GORASP2: variants seen among roughly 807,000 people sequenced by gnomAD.
The protein encoded by GORASP2 is Golgi reassembly-stacking protein 2.
In GORASP2, 22 loss-of-function variants were observed where a neutral mutation model predicts 45.7. The observed-to-expected ratio is 0.48, with a 90% CI of 0.34 to 0.69. The LOEUF (loss-of-function observed/expected upper bound fraction) is 0.69, where lower values mean the gene tolerates loss of function less well. Among genes scored for constraint, GORASP2 ranks in the 30% least tolerant of loss-of-function variants. The pLI is 0.01. For missense variants in GORASP2, 491 were observed against 562.7 expected (o/e 0.87, Z 1.29); for synonymous variants, 221 against 215.6 (o/e 1.02, Z -0.22).
intron 1 of GORASP2, 95 bp downstream of exon 1, chr2:170,929,498 C>T: frequency 9.8e-7 from 1 of 1,016,814 alleles, no homozygotes; most frequent in Non-Finnish European, 1.3e-6. Flanking sequence ...ACGGGGCAGC[C>T]AGGCCCGATC....
chr2:170,949,374 T>G (rs891733598), intron 2 of GORASP2, 165 bp from the exon 3 acceptor site: 6 of 166,058 alleles, frequency 3.6e-5, no homozygotes, highest in Non-Finnish European at 7.4e-5. Flanking sequence ...GAGTTCTTAA[T>G]TTCTTGACAT....
chr2:170,959,293 G>T (rs772320955), intron 7 of GORASP2, among the ~76,000 whole-genome samples: 1 of 152,186 alleles, frequency 6.6e-6, no homozygotes, highest in Non-Finnish European at 1.5e-5. Flanking sequence ...GGCGATAGTT[G>T]ACATGTCTCT....
Position 170,929,364 on chromosome 2 carries a change from G to A in GORASP2, c.24G>A (p.Glu8=). 3 of 1,407,716 alleles carry A rather than the reference G, an allele frequency of 2.1e-6. No homozygotes were observed. Among genetic ancestry groups the A allele is most frequent in the Non-Finnish European group, 2.8e-6 (3 of 1,079,250 alleles). 87.2% of individuals were successfully genotyped at this position (1,407,716 alleles called of 1,614,324 possible). A position where few individuals can be genotyped will look rare whatever the true frequency, so the allele number is the denominator to read the frequency against. MGSSQSV[E]IPGGGTEGYH... ...CCATGGGCTCCTCGCAAAGCGTCGA[G>A]ATCCCGGGCGGGGGCACCGAGGGCT... Residue 8 remains glutamate, a synonymous_variant, in exon 1 of 10, where the codon GAG becomes GAA. Transcript: ENST00000234160.
rs1703755086 is a variant in GORASP2 at position 170,929,313 on chromosome 2, G to T, written c.-28G>T. 3 of 1,346,450 alleles carry T rather than the reference G, an allele frequency of 2.2e-6. No homozygotes were observed. Among genetic ancestry groups the T allele is most frequent in the South Asian group, 1.9e-5 (1 of 53,384 alleles). 83.4% of individuals were successfully genotyped at this position (1,346,450 alleles called of 1,614,324 possible). ...TGGGGGCGGGAGCAGCGCGGAGCCC[G>T]GCTCGGCCACACCGATCGCCCGCCG... On this transcript the variant is annotated 5_prime_UTR_variant, in exon 1 of 10. Coordinates refer to ENST00000234160, the MANE Select transcript of GORASP2 (RefSeq NM_015530.5).
chr2:170,946,561 TCTCA>T (rs781029139), intron 1 of GORASP2, among the ~76,000 whole-genome samples: 4 of 152,088 alleles, frequency 2.6e-5, no homozygotes. Flanking sequence ...TTAAAAGTAA[TCTCA>T]CTCTTTCATT....
In GORASP2 at chr2:170,951,414, A is replaced by C; in HGVS notation, c.522A>C (p.Arg174=). Residue 174 remains arginine, a synonymous_variant, in exon 5 of 10, where the codon CGA becomes CGC. Transcript: ENST00000234160. ...ACAACACAGACACTGATAACTGTCG[A>C]GAAGTGATTATTACACCAAATTCTG... ...YVYNTDTDNC[R]EVIITPNSAW... is the part of the protein sequence containing the mutation. 2 of 1,612,400 alleles carry C rather than the reference A, an allele frequency of 1.2e-6. No individual in the cohort carries two copies. The highest frequency in any genetic ancestry group is 1.7e-6 in the Non-Finnish European group (2 of 1,179,244).
chr2:170,962,124 C>G (rs187665196), intron 8 of GORASP2, among the ~76,000 whole-genome samples: 2 of 152,324 alleles, frequency 1.3e-5, no homozygotes, highest in East Asian at 3.9e-4. Flanking sequence ...GAAGAGAAGG[C>G]TTCTTATTTG....
intron 9 of GORASP2, among the ~76,000 whole-genome samples, chr2:170,963,429 GCTA>G (rs1240018223): frequency 7.1e-6 from 1 of 140,954 alleles, no homozygotes; most frequent in African/African-American, 2.8e-5. Flanking sequence ...AGTCCCCGCT[GCTA>G]CTGCTGCTGC....
Position 170,951,393 on chromosome 2 carries a change from C to T in GORASP2, c.501C>T (p.Asn167=), listed in dbSNP as rs1704295209. Reference sequence around the variant, plus strand: ...AACCATTGAAACTGTATGTGTACAACACAGACACTGATAACTGTCGAGAAG... The same window carrying T: ...AACCATTGAAACTGTATGTGTACAATACAGACACTGATAACTGTCGAGAAG... The part of the protein sequence containing the change: ...EAKPLKLYVY[N]TDTDNCREVI... Residue 167 remains asparagine, a synonymous_variant, in exon 5 of 10, where the codon AAC becomes AAT. Transcript: ENST00000234160. 6.2e-7 allele frequency: 1 copy of T among 1,610,616 alleles called. No individual in the cohort carries two copies. The highest frequency in any genetic ancestry group is 8.5e-7 in the Non-Finnish European group (1 of 1,177,506).
chr2:170,936,501 T>G (rs778436812), intron 1 of GORASP2: 3 of 458,792 alleles, frequency 6.5e-6, no homozygotes, highest in South Asian at 1.9e-5. Flanking sequence ...ATTACACTTA[T>G]GAGCCACCAC....
At chr2:170,962,716 C>T (rs1192312739) in intron 8 of GORASP2, 123 bp from the exon 9 acceptor site, 3 of 668,482 alleles carry the variant, frequency 4.5e-6, no homozygotes, top group Non-Finnish European at 5.5e-6. Flanking sequence ...ACAGCTGCCA[C>T]ACATTAGGTG....
intron 9 of GORASP2, 53 bp downstream of exon 9, chr2:170,962,999 A>G (rs1165076369): frequency 8.6e-7 from 1 of 1,166,442 alleles, no homozygotes; most frequent in Non-Finnish European, 1.3e-6. Flanking sequence ...AGTTTTATTC[A>G]GGAATGCCCA....
At chr2:170,950,462 A>G (rs1279726352) in intron 4 of GORASP2, among the ~76,000 whole-genome samples, 172 bp downstream of exon 4, 3 of 152,216 alleles carry the variant, frequency 2.0e-5, no homozygotes, top group African/African-American at 7.2e-5. Context: ...GTGTCTTATT[A>G]GGTATAGCTG....
chr2:170,955,935 C>G (rs906908898), intron 6 of GORASP2, among the ~76,000 whole-genome samples: 1 of 152,190 alleles, frequency 6.6e-6, no homozygotes, highest in African/African-American at 2.4e-5. Context: ...AAGTGGAGAT[C>G]TGGCTGCCAC....
intron 1 of GORASP2, among the ~76,000 whole-genome samples, chr2:170,930,937 C>A (rs1165024984): frequency 6.9e-6 from 1 of 144,590 alleles, no homozygotes. Flanking sequence ...TACATGCACT[C>A]AGGGAAACTC....
intron 1 of GORASP2, among the ~76,000 whole-genome samples, chr2:170,941,443 G>A (rs192225295): frequency 9.3e-4 from 141 of 152,324 alleles, no homozygotes; most frequent in African/African-American, 3.2e-3. Context: ...TATTAAAAGA[G>A]TGCACACAAG....
intron 5 of GORASP2, chr2:170,951,702 A>C (rs1704304589): frequency 4.0e-6 from 1 of 247,174 alleles, no homozygotes. Context: ...TTTCTTTTTA[A>C]TTGAGAAATT....
At chr2:170,958,638 G>A (rs1229116509) in intron 7 of GORASP2, among the ~76,000 whole-genome samples, 4 of 147,042 alleles carry the variant, frequency 2.7e-5, no homozygotes, top group African/African-American at 1.0e-4. Flanking sequence ...TAGAGTAAGC[G>A]TGTTTCCAGA....
rs1157595317 is a variant in GORASP2, at chr2:170,941,360, G to GA, written c.64-6983dup. ...AATCGTGTGGCCCTAAGAAGAATTG[G>GA]AAAAAAAGGCATTGGAAAAAGTGTA... is the stretch of plus-strand genomic sequence containing the variant. On this transcript the variant is annotated intron_variant, in intron 1 of 9. Coordinates refer to ENST00000234160, the MANE Select transcript of GORASP2 (RefSeq NM_015530.5). Among the ~76,000 whole-genome samples the GA allele has an allele frequency of 3.3e-5, 5 of 152,088 alleles. No homozygotes were observed. The East Asian group carries it at 7.7e-4, about 23-fold the overall frequency.
Sources: gnomAD v4.1 joint callset for allele counts (sites outside exome capture counted in the v4.1 genomes callset) on GRCh38, gnomAD v4.1.1 for gene constraint, MANE v1.5 for transcripts, NCBI Gene and HGNC (gene_info 2026-07-23, HGNC 2026-07-21) for gene names.